Variants in DOCK11 observed in about 807,000 individuals in gnomAD.
The protein encoded by DOCK11 is dedicator of cytokinesis protein 11.
In DOCK11, 70 loss-of-function variants were observed where a neutral mutation model predicts 169.1. The ratio of observed to expected loss-of-function variants is 0.41; its 90% confidence interval spans 0.34 to 0.51. The LOEUF (loss-of-function observed/expected upper bound fraction) is 0.51. DOCK11 is among the 20% of genes least tolerant of loss of function. The probability of loss-of-function intolerance (pLI) is 0.10; values close to 1 mark genes in which losing one functional copy is unlikely to be tolerated. For synonymous variants in DOCK11, 529 were observed against 541.3 expected (o/e 0.98, Z 0.32); for missense variants, 1,166 against 1,538.8 (o/e 0.76, Z 4.05).
At chrX:118,623,094 T>C (rs1266146731) in intron 31 of DOCK11, among the ~76,000 whole-genome samples, 2 of 111,440 alleles carry the variant, frequency 1.8e-5, no homozygotes, top group African/African-American at 6.5e-5. Flanking sequence ...GGTGGATACC[T>C]ATAATCCCAG....
In DOCK11 at chrX:118,676,178, G is replaced by A. The variant is rs1472283363; in HGVS notation, c.5313+129G>A. 3 of 433,056 alleles carry A rather than the reference G, an allele frequency of 6.9e-6. No individual in the cohort carries two copies. The African/African-American group carries it at 7.7e-5, about 11-fold the overall frequency. 35.7% of individuals were successfully genotyped at this position (433,056 alleles called of 1,213,427 possible). A position where few individuals can be genotyped will look rare whatever the true frequency, so the allele number is the denominator to read the frequency against. ...CAACAGCAGGGAGCCTCTTTTGTAT[G>A]TATAAAGTTCACTTTGGTTCTCATA... On this transcript the variant is annotated intron_variant, in intron 47 of 52. Coordinates refer to ENST00000276202, the MANE Select transcript of DOCK11 (RefSeq NM_144658.4).
At chrX:118,624,406 A>G (rs761370776) in intron 31 of DOCK11, 133 bp from the exon 32 acceptor site, 35 of 441,209 alleles carry the variant, frequency 7.9e-5, no homozygotes, top group Middle Eastern at 6.5e-4. Flanking sequence ...GTATAAAGAG[A>G]TTCATGCTTC....
At chrX:118,568,357 A>T in intron 10 of DOCK11, among the ~76,000 whole-genome samples, 195 bp downstream of exon 10, 1 of 82,384 alleles carries the variant, frequency 1.2e-5, no homozygotes, top group Non-Finnish European at 2.3e-5. Flanking sequence ...TATGCAGATA[A>T]TTTGGGGCTG....
intron 20 of DOCK11, among the ~76,000 whole-genome samples, chrX:118,595,302 TAGAG>T (rs1332308455): frequency 9.0e-6 from 1 of 111,330 alleles, no homozygotes; most frequent in Non-Finnish European, 1.9e-5. Flanking sequence ...GATTGGCTAT[TAGAG>T]AGATGATTTA....
chrX:118,572,598 C>A (rs2013313994), intron 11 of DOCK11, 135 bp downstream of exon 11: 3 of 490,798 alleles, frequency 6.1e-6, no homozygotes, highest in African/African-American at 2.4e-5. Context: ...ACTCCTGAAC[C>A]TAAAATGAAA....
intron 6 of DOCK11, among the ~76,000 whole-genome samples, chrX:118,550,712 C>A (rs960285417): frequency 4.5e-5 from 5 of 111,180 alleles, no homozygotes; most frequent in Non-Finnish European, 9.4e-5. Context: ...GGTGGGGGAT[C>A]ATATAAGTTC....
intron 1 of DOCK11, among the ~76,000 whole-genome samples, chrX:118,531,436 A>C (rs1303448868): frequency 4.1e-5 from 4 of 98,434 alleles, no homozygotes; most frequent in African/African-American, 1.6e-4. Flanking sequence ...AAAAAAAAAA[A>C]AAAAAAAAAA....
intron 40 of DOCK11, among the ~76,000 whole-genome samples, chrX:118,647,497 TAATATATTATATA>T (rs2015712705): frequency 1.4e-5 from 1 of 71,856 alleles, no homozygotes; most frequent in Admixed American, 2.2e-4. Context: ...TATTATTATA[TAATATATTATATA>T]ATAATATAAT....
At chrX:118,520,654 C>T (rs778229834) in intron 1 of DOCK11, among the ~76,000 whole-genome samples, 16 of 111,406 alleles carry the variant, frequency 1.4e-4, no homozygotes, top group Non-Finnish European at 2.8e-4. Flanking sequence ...TCATTGACCT[C>T]GGTGGCTGCC....
At chrX:118,614,581 T>A in intron 28 of DOCK11, 111 bp from the exon 29 acceptor site, 1 of 559,266 alleles carries the variant, frequency 1.8e-6, no homozygotes, top group Admixed American at 3.5e-5. Context: ...AAAATAAAAA[T>A]GTCTTTCTTT....
chrX:118,568,328 ACT>A (rs1194665598), intron 10 of DOCK11, among the ~76,000 whole-genome samples, 166 bp downstream of exon 10: 1 of 94,370 alleles, frequency 1.1e-5, no homozygotes, highest in Admixed American at 1.2e-4. Flanking sequence ...ATAACTCTTC[ACT>A]CAAGGGGACT....
At position 118,646,024 on chromosome X, in the gene DOCK11, C is replaced by T. The variant is rs374263315; in HGVS notation, c.4398+2430C>T. Among the ~76,000 whole-genome samples the T allele has an allele frequency of 7.0e-5, 7 of 99,883 alleles. No homozygotes were observed. In the East Asian group the frequency reaches 1.8e-3, roughly 26 times the overall value. 86.7% of individuals were successfully genotyped at this position (99,883 alleles called of 115,157 possible). ...TGAGCCGAGATCGCGCCATTGCGCT[C>T]CAGCTTGGGCAACAGAGCGAGACTT... On this transcript the variant is annotated intron_variant, in intron 40 of 52. Coordinates refer to ENST00000276202, the MANE Select transcript of DOCK11 (RefSeq NM_144658.4).
intron 18 of DOCK11, among the ~76,000 whole-genome samples, chrX:118,589,135 C>T (rs755961105): frequency 8.9e-6 from 1 of 112,048 alleles, no homozygotes; most frequent in South Asian, 3.7e-4. Flanking sequence ...GATGCTGGGT[C>T]TTACACTCAA....
chrX:118,639,576 C>A lies in DOCK11; in HGVS notation c.4143C>A (p.His1381Gln). ...SSLESSFTLNHSSTTTEADIF... is the reference protein window; with the variant it reads ...SSLESSFTLNQSSTTTEADIF... The stretch of plus-strand genomic sequence containing the variant: ...TAGAAAGTTCATTTACACTTAATCA[C>A]AGTAAGTGAAAATGTGTGTGTGGTA... Residue 1381 changes from histidine (H) to glutamine (Q), a missense_variant and splice_region_variant, in exon 38 of 53, where the codon CAC (histidine) becomes CAA (glutamine). His to Gln is a conservative substitution (Grantham distance 24, BLOSUM62 0). Transcript: ENST00000276202. The A allele has an allele frequency of 8.3e-7, 1 of 1,206,983 alleles. No homozygotes were observed. Among genetic ancestry groups the A allele is most frequent in the Non-Finnish European group, 1.1e-6 (1 of 892,431 alleles).
intron 10 of DOCK11, among the ~76,000 whole-genome samples, chrX:118,570,477 C>T (rs2013238837): frequency 1.8e-5 from 2 of 112,360 alleles, no homozygotes; most frequent in Non-Finnish European, 1.9e-5. Flanking sequence ...TCTAGTCCCA[C>T]ACATTCGCAT....
At chrX:118,622,998 C>T (rs1272637546) in intron 31 of DOCK11, among the ~76,000 whole-genome samples, 2 of 112,088 alleles carry the variant, frequency 1.8e-5, no homozygotes, top group East Asian at 5.6e-4. Context: ...GGTGGATCAC[C>T]TAAGGTTGGG....
chrX:118,610,435 T>C lies in DOCK11; in HGVS notation c.3096+17T>C, dbSNP rs1603116167. On this transcript the variant is annotated intron_variant, in intron 28 of 52. Transcript: ENST00000276202. ...TTCCTGAAGGTGAGTTCAAGGCAGC[T>C]AGAATGTGGTAAGGAACTCCTCTTC... The C allele has an allele frequency of 1.7e-6, 2 of 1,204,873 alleles. No homozygotes were observed. Among genetic ancestry groups the C allele is most frequent in the Non-Finnish European group, 2.2e-6 (2 of 892,439 alleles).
chrX:118,672,496 T>C (rs761227047), intron 46 of DOCK11, among the ~76,000 whole-genome samples: 1 of 113,013 alleles, frequency 8.8e-6, no homozygotes, highest in African/African-American at 3.2e-5. Flanking sequence ...GCAGTGGCGC[T>C]ATCTCGGCTC....
rs59721327 is a variant in DOCK11 at position 118,546,210 on chromosome X, C to CCAAAA, written c.558+94_558+95insCAAAA. The CCAAAA allele has an allele frequency of 2.4e-3, 118 of 49,236 alleles. 1 individual carries two copies. Among genetic ancestry groups the CCAAAA allele is most frequent in the Middle Eastern group, 0.019 (1 of 53 alleles). The allele number at this position is 49,236 out of a possible 1,213,427, so 4.1% of individuals were successfully genotyped here. A position where few individuals can be genotyped will look rare whatever the true frequency, so the allele number is the denominator to read the frequency against. On this transcript the variant is annotated intron_variant, in intron 6 of 52. Transcript: ENST00000276202. The stretch of plus-strand genomic sequence containing the variant: ...ATATTTATTTTACAAAGAGCCCTAG[C>CCAAAA]AAAAAAAAAAAAAAAAAAAAAGGAG...
Sources: gnomAD v4.1 joint callset for allele counts (sites outside exome capture counted in the v4.1 genomes callset) on GRCh38, gnomAD v4.1.1 for gene constraint, MANE v1.5 for transcripts, NCBI Gene and HGNC (gene_info 2026-07-23, HGNC 2026-07-21) for gene names.